The following IGF2BP3 variants were observed in gnomAD, a reference collection of about 807,000 sequenced individuals.
The protein encoded by IGF2BP3 is insulin-like growth factor 2 mRNA-binding protein 3.
Under a neutral mutation model 73.8 loss-of-function variants are expected in IGF2BP3, and 9 were observed. The observed-to-expected ratio is 0.12, with a 90% CI of 0.07 to 0.21. The LOEUF (loss-of-function observed/expected upper bound fraction) is 0.21, where lower values mean the gene tolerates loss of function less well. IGF2BP3 is among the 10% of genes least tolerant of loss of function. IGF2BP3 has a pLI of 1.00. For missense variants in IGF2BP3, 542 were observed against 714.0 expected (o/e 0.76, Z 2.75); for synonymous variants, 258 against 256.7 (o/e 1.01, Z -0.05).
In IGF2BP3 at chr7:23,361,755, G is replaced by A. The variant is rs753409284; in HGVS notation, c.286-14C>T. On this transcript the variant is annotated splice_polypyrimidine_tract_variant and intron_variant, in intron 3 of 14. Coordinates refer to ENST00000258729, the MANE Select transcript of IGF2BP3 (RefSeq NM_006547.3). The stretch of plus-strand genomic sequence containing the variant: ...ACTATCCAGCACCTATCAGGAGGGG[G>A]AGAGAAAATTATAAATTTTGAGTTT... The A allele has an allele frequency of 6.3e-7, 1 of 1,594,156 alleles. No homozygotes were observed. Among genetic ancestry groups the A allele is most frequent in the Non-Finnish European group, 8.5e-7 (1 of 1,172,578 alleles).
intron 9 of IGF2BP3, among the ~76,000 whole-genome samples, chr7:23,342,596 T>C (rs1345150145): frequency 6.6e-6 from 1 of 152,132 alleles, no homozygotes; most frequent in Admixed American, 6.5e-5. Flanking sequence ...TATTAAGAGA[T>C]CTTTACTTGC....
chr7:23,366,303 A>G (rs975701772), intron 3 of IGF2BP3, among the ~76,000 whole-genome samples: 2 of 152,010 alleles, frequency 1.3e-5, no homozygotes, highest in African/African-American at 4.8e-5. Context: ...ACACCCAGCT[A>G]ATTTTCGTAT....
At chr7:23,368,512 C>A (rs967631512) in intron 3 of IGF2BP3, among the ~76,000 whole-genome samples, 4 of 152,032 alleles carry the variant, frequency 2.6e-5, no homozygotes, top group Admixed American at 1.3e-4. Flanking sequence ...TTTCTATGGG[C>A]TGAGGAAAGT....
intron 10 of IGF2BP3, among the ~76,000 whole-genome samples, chr7:23,335,407 C>T (rs1784549130): frequency 6.6e-6 from 1 of 151,822 alleles, no homozygotes; most frequent in Non-Finnish European, 1.5e-5. Context: ...CTTTAGCCTT[C>T]CAAGTAGCTG....
chr7:23,449,540 T>A (rs544965645), intron 2 of IGF2BP3, among the ~76,000 whole-genome samples: 2 of 135,492 alleles, frequency 1.5e-5, no homozygotes, highest in East Asian at 3.9e-4. Context: ...CAATTTTTTT[T>A]CCTTTTTCTT....
chr7:23,447,034 C>T (rs543224013), intron 2 of IGF2BP3, among the ~76,000 whole-genome samples: 1 of 152,172 alleles, frequency 6.6e-6, no homozygotes, highest in African/African-American at 2.4e-5. Context: ...GAAACCTCAT[C>T]TCTACTAAAA....
chr7:23,393,656 TTTA>T (rs1786355642), intron 3 of IGF2BP3, among the ~76,000 whole-genome samples: 1 of 152,208 alleles, frequency 6.6e-6, no homozygotes, highest in South Asian at 2.1e-4. Flanking sequence ...TGGGAGAATT[TTTA>T]TATTCTCAAA....
intron 5 of IGF2BP3, among the ~76,000 whole-genome samples, chr7:23,354,494 T>A (rs1245182986): frequency 3.3e-5 from 5 of 152,218 alleles, no homozygotes; most frequent in Non-Finnish European, 7.3e-5. Context: ...GTTACAAAAA[T>A]GGTAGATAAC....
intron 2 of IGF2BP3, among the ~76,000 whole-genome samples, chr7:23,437,623 CTG>C (rs1787836572): frequency 6.6e-6 from 1 of 152,146 alleles, no homozygotes; most frequent in Non-Finnish European, 1.5e-5. Flanking sequence ...AAAAAAGCTG[CTG>C]TACATGAAAA....
chr7:23,320,206 C>A (rs566970035), intron 10 of IGF2BP3, among the ~76,000 whole-genome samples: 1 of 152,222 alleles, frequency 6.6e-6, no homozygotes, highest in African/African-American at 2.4e-5. Context: ...GCCACTGCGC[C>A]CAGCCCCCTT....
chr7:23,340,827 A>G (rs1245036976), intron 10 of IGF2BP3, among the ~76,000 whole-genome samples: 2 of 151,614 alleles, frequency 1.3e-5, no homozygotes, highest in Non-Finnish European at 1.5e-5. Context: ...CAAGTATAAA[A>G]TATTTCTTTC....
chr7:23,441,688 T>C (rs993660627), intron 2 of IGF2BP3, among the ~76,000 whole-genome samples: 1 of 149,998 alleles, frequency 6.7e-6, no homozygotes, highest in African/African-American at 2.5e-5. Flanking sequence ...TACCAGAAAT[T>C]GCAAATTACC....
intron 5 of IGF2BP3, 31 bp from the exon 6 acceptor site, chr7:23,351,617 A>G (rs1462490033): frequency 1.2e-6 from 2 of 1,611,276 alleles, no homozygotes; most frequent in Non-Finnish European, 1.7e-6. Context: ...GGGGTGGGAA[A>G]AGGAATCAGG....
At chr7:23,378,438 G>A (rs1785797214) in intron 3 of IGF2BP3, among the ~76,000 whole-genome samples, 2 of 137,634 alleles carry the variant, frequency 1.5e-5, no homozygotes, top group South Asian at 4.4e-4. Flanking sequence ...TGTCTCCCAG[G>A]CTGGAGTGTA....
chr7:23,337,570 G>T (rs1784605306), intron 10 of IGF2BP3, among the ~76,000 whole-genome samples: 1 of 152,184 alleles, frequency 6.6e-6, no homozygotes, highest in Non-Finnish European at 1.5e-5. Context: ...CTCACACAGG[G>T]ATTGTCTCCC....
At chr7:23,329,198 G>C (rs905567310) in intron 10 of IGF2BP3, among the ~76,000 whole-genome samples, 6 of 150,964 alleles carry the variant, frequency 4.0e-5, no homozygotes, top group Non-Finnish European at 7.4e-5. Context: ...GGGCGACAGA[G>C]CAAGACTCCG....
chr7:23,357,258 T>C (rs1408307356), intron 5 of IGF2BP3, among the ~76,000 whole-genome samples: 2 of 152,008 alleles, frequency 1.3e-5, no homozygotes, highest in Non-Finnish European at 2.9e-5. Context: ...ACAAAGGAAC[T>C]GCAATGATAG....
At chr7:23,399,064 T>C (rs1391173352) in intron 3 of IGF2BP3, among the ~76,000 whole-genome samples, 1 of 152,216 alleles carries the variant, frequency 6.6e-6, no homozygotes, top group African/African-American at 2.4e-5. Context: ...AAGTCTTTAA[T>C]CCATCTTGAA....
intron 10 of IGF2BP3, among the ~76,000 whole-genome samples, chr7:23,336,736 T>C (rs927751824): frequency 6.6e-5 from 10 of 152,080 alleles, no homozygotes; most frequent in Admixed American, 2.0e-4. Flanking sequence ...TCACTTGAGG[T>C]CAGGAATTCG....
Sources: gnomAD v4.1 joint callset for allele counts (sites outside exome capture counted in the v4.1 genomes callset) on GRCh38, gnomAD v4.1.1 for gene constraint, MANE v1.5 for transcripts, NCBI Gene and HGNC (gene_info 2026-07-23, HGNC 2026-07-21) for gene names.